Variants in EDA2R observed in about 807,000 individuals in gnomAD.
The protein encoded by EDA2R is tumor necrosis factor receptor superfamily member 27.
A neutral mutation model predicts 20.1 loss-of-function variants in EDA2R; 26 were observed. The observed-to-expected ratio is 1.30, with a 90% CI of 0.95 to 1.80. The LOEUF (loss-of-function observed/expected upper bound fraction) is 1.80, where lower values mean the gene tolerates loss of function less well. Among genes scored for constraint, EDA2R ranks in the 40% most tolerant of loss-of-function variants. EDA2R has a pLI of 0.00. For synonymous variants in EDA2R, 114 were observed against 88.7 expected (o/e 1.29, Z -1.60); for missense variants, 277 against 228.7 (o/e 1.21, Z -1.36).
intron 5 of EDA2R, among the ~76,000 whole-genome samples, chrX:66,601,019 G>A (rs971334958): frequency 9.0e-5 from 10 of 111,676 alleles, no homozygotes; most frequent in Non-Finnish European, 1.1e-4. Context: ...GATTTAATTC[G>A]CACATACATC....
chrX:66,634,585 A>C (rs1376264600), intron 1 of EDA2R, among the ~76,000 whole-genome samples: 1 of 111,643 alleles, frequency 9.0e-6, no homozygotes, highest in African/African-American at 3.3e-5. Flanking sequence ...TCCTAAAAGT[A>C]TTATTCAGGA....
chrX:66,615,931 T>A lies in EDA2R; in HGVS notation c.87+3A>T. ...AATAAGTGTACTGAATAGGATAACT[T>A]ACCTTGGATAGCTCCTGTCCAGGAC... On this transcript the variant is annotated splice_donor_region_variant and intron_variant, in intron 2 of 6. Transcript: ENST00000374719. 1 of 1,202,854 alleles carries A rather than the reference T, an allele frequency of 8.3e-7. No homozygotes were observed. The highest frequency in any genetic ancestry group is 1.8e-5 in the South Asian group (1 of 56,461).
At chrX:66,631,076 G>T (rs748164392) in intron 1 of EDA2R, among the ~76,000 whole-genome samples, 20 of 108,756 alleles carry the variant, frequency 1.8e-4, no homozygotes, top group African/African-American at 5.7e-4. Context: ...GATGAGATTC[G>T]AGACTATTAT....
intron 5 of EDA2R, among the ~76,000 whole-genome samples, chrX:66,601,503 C>G (rs1342523760): frequency 1.8e-5 from 2 of 111,767 alleles, no homozygotes; most frequent in African/African-American, 6.5e-5. Context: ...AGGGCACAAC[C>G]AAACATACCT....
At chrX:66,632,434 A>G (rs769893473) in intron 1 of EDA2R, among the ~76,000 whole-genome samples, 27 of 104,009 alleles carry the variant, frequency 2.6e-4, no homozygotes, top group East Asian at 6.2e-4. Flanking sequence ...GAAGAAGAAG[A>G]AGCAGGAGGA....
chrX:66,619,135 T>G (rs1932193255), intron 1 of EDA2R, among the ~76,000 whole-genome samples: 1 of 111,543 alleles, frequency 9.0e-6, no homozygotes, highest in Non-Finnish European at 1.9e-5. Context: ...CACCCAAGCT[T>G]CTTCATTGAC....
intron 1 of EDA2R, among the ~76,000 whole-genome samples, chrX:66,623,572 A>G (rs948148723): frequency 8.9e-6 from 1 of 112,074 alleles, no homozygotes; most frequent in African/African-American, 3.2e-5. Flanking sequence ...ATAATGGCCA[A>G]TAGAGACCTT....
rs1306542980 is a variant in EDA2R, at chrX:66,597,880, TG to T, written c.*223del. 1.1e-5 allele frequency: 3 copies of T among 280,740 alleles called. No homozygotes were observed. The East Asian group carries it at 4.2e-4, about 39-fold the overall frequency. 23.1% of individuals were successfully genotyped at this position (280,740 alleles called of 1,213,427 possible). ...CTGGTAGTCCCATGAATGTGGAATC[TG>T]GCTCCCCAGACTACAAAAGGGAAGC... On this transcript the variant is annotated 3_prime_UTR_variant, in exon 7 of 7. Coordinates refer to ENST00000374719, the MANE Select transcript of EDA2R (RefSeq NM_021783.5).
At chrX:66,600,029 A>T in intron 5 of EDA2R, 169 bp from the exon 6 acceptor site, 1 of 1,157,093 alleles carries the variant, frequency 8.6e-7, no homozygotes, top group Non-Finnish European at 1.2e-6. Context: ...CAGTTGAGAA[A>T]CATACTTACA....
At chrX:66,607,325 C>T (rs1271973347) in intron 2 of EDA2R, among the ~76,000 whole-genome samples, 1 of 112,256 alleles carries the variant, frequency 8.9e-6, no homozygotes, top group African/African-American at 3.2e-5. Context: ...ATTAGCTGAA[C>T]ATGAGCTAAA....
intron 1 of EDA2R, among the ~76,000 whole-genome samples, chrX:66,620,009 C>T (rs414151): frequency 9.0e-6 from 1 of 111,497 alleles, no homozygotes; most frequent in Non-Finnish European, 1.9e-5. Context: ...CAGTCAATAT[C>T]GACTCCTCCC....
At position 66,603,960 on chromosome X, in the gene EDA2R, G is replaced by T. The variant is rs1455887031; in HGVS notation, c.352+461C>A. ...TAAAATAGGAAGTAAGTAAATAGAT[G>T]GTAGACAAAAAAGATAGACGATTAG... On this transcript the variant is annotated intron_variant, in intron 4 of 6. Coordinates refer to ENST00000374719, the MANE Select transcript of EDA2R (RefSeq NM_021783.5). Among the ~76,000 whole-genome samples the T allele has an allele frequency of 3.6e-5, 4 of 111,870 alleles. No homozygotes were observed. The Admixed American group carries it at 3.8e-4, about 11-fold the overall frequency.
chrX:66,612,475 A>G (rs993480990), intron 2 of EDA2R, among the ~76,000 whole-genome samples: 7 of 107,345 alleles, frequency 6.5e-5, no homozygotes, highest in Non-Finnish European at 1.2e-4. Flanking sequence ...ACCAGCTGAC[A>G]TTGAAAAAGT....
At position 66,615,968 on chromosome X, in the gene EDA2R, C is replaced by T. The variant is rs780907046; in HGVS notation, c.53G>A (p.Cys18Tyr). 8.3e-7 allele frequency: 1 copy of T among 1,210,360 alleles called. No individual in the cohort carries two copies. The highest frequency in any genetic ancestry group is 1.8e-5 in the South Asian group (1 of 56,808). ...CTCCTGTCCAGGACCACACCGTTGG[C>T]AGGTGACACACCGTCCCCATTGGTC... ...YWDQWGRCVT[C>Y]QRCGPGQELS... Residue 18 changes from cysteine to tyrosine, a missense_variant, in exon 2 of 7, where the codon TGC (cysteine) becomes TAC (tyrosine). Cys to Tyr is a radical substitution (Grantham distance 194). Transcript: ENST00000374719.
chrX:66,635,685 G>A (rs1413795296), intron 1 of EDA2R, among the ~76,000 whole-genome samples: 1 of 111,982 alleles, frequency 8.9e-6, no homozygotes, highest in Non-Finnish European at 1.9e-5. Context: ...AAAATGAAAA[G>A]CCATACTGAA....
Position 66,597,612 on chromosome X carries a change from T to C in EDA2R, c.*492A>G, listed in dbSNP as rs1329501033. ...GCCTCCCCCAAGATAGATATTAATG[T>C]GTGTGTGTGTGTTTGTGTGTCTATG... is the stretch of plus-strand genomic sequence containing the variant. On this transcript the variant is annotated 3_prime_UTR_variant, in exon 7 of 7. Coordinates refer to ENST00000374719, the MANE Select transcript of EDA2R (RefSeq NM_021783.5). The C allele has an allele frequency of 9.0e-6, 1 of 110,795 alleles. No homozygotes were observed. The highest frequency in any genetic ancestry group is 1.9e-5 in the Non-Finnish European group (1 of 52,985). The allele number at this position is 110,795 out of a possible 1,213,427, so 9.1% of individuals were successfully genotyped here. A position where few individuals can be genotyped will look rare whatever the true frequency, so the allele number is the denominator to read the frequency against.
chrX:66,611,905 T>TA (rs907115879), intron 2 of EDA2R, among the ~76,000 whole-genome samples: 5 of 109,983 alleles, frequency 4.5e-5, no homozygotes, highest in African/African-American at 9.9e-5. Flanking sequence ...TTCTGAAAAC[T>TA]AAAAAAAATA....
chrX:66,613,648 C>A (rs747415970), intron 2 of EDA2R, among the ~76,000 whole-genome samples: 1 of 111,556 alleles, frequency 9.0e-6, no homozygotes, highest in African/African-American at 3.2e-5. Context: ...GAATTCTATG[C>A]ACTGTTGAAA....
rs1163777791 is a variant in EDA2R, at chrX:66,597,416, G to C, written c.*688C>G. ...CCAGAAGGAAGATTACTTTGGCTCA[G>C]AAATGTTCTGTAAGGTTCCAAAATG... On this transcript the variant is annotated 3_prime_UTR_variant, in exon 7 of 7. Transcript: ENST00000374719. The C allele has an allele frequency of 1.8e-5, 2 of 111,847 alleles. No homozygotes were observed. Among genetic ancestry groups the C allele is most frequent in the Non-Finnish European group, 3.8e-5 (2 of 53,217 alleles). The allele number at this position is 111,847 out of a possible 1,213,427, so 9.2% of individuals were successfully genotyped here.
Sources: allele counts gnomAD v4.1 joint callset (sites outside exome capture counted in the v4.1 genomes callset), GRCh38; gene constraint gnomAD v4.1.1; transcripts MANE v1.5; gene names NCBI Gene and HGNC (gene_info 2026-07-23, HGNC 2026-07-21).